IGDCC3: variants seen among roughly 807,000 people sequenced by gnomAD.
The protein encoded by IGDCC3 is immunoglobulin superfamily DCC subclass member 3, also known as putative neuronal cell adhesion molecule.
A neutral mutation model predicts 72.0 loss-of-function variants in IGDCC3; 47 were observed. The ratio of observed to expected loss-of-function variants is 0.65; its 90% confidence interval spans 0.52 to 0.83. The LOEUF (loss-of-function observed/expected upper bound fraction) is 0.83, where lower values mean the gene tolerates loss of function less well. Among genes scored for constraint, IGDCC3 ranks in the 40% least tolerant of loss-of-function variants. The pLI is 0.00. For missense variants in IGDCC3, 1,038 were observed against 1,091.3 expected (o/e 0.95, Z 0.69); for synonymous variants, 477 against 472.8 (o/e 1.01, Z -0.11).
Position 65,335,962 on chromosome 15 carries a change from G to C in IGDCC3, c.410-6C>G. 6.2e-7 allele frequency: 1 copy of C among 1,614,064 alleles called. No homozygotes were observed. The highest frequency in any genetic ancestry group is 8.5e-7 in the Non-Finnish European group (1 of 1,179,982). On this transcript the variant is annotated splice_region_variant and splice_polypyrimidine_tract_variant and intron_variant, in intron 2 of 13. Coordinates refer to ENST00000327987, the MANE Select transcript of IGDCC3 (RefSeq NM_004884.4). ...CACGTGGAAGTCCGACATGGCTGGG[G>C]GAAGAGAAGTGTATGAGTGCAGTGC...
chr15:65,375,356 A>G lies in IGDCC3; in HGVS notation c.150T>C (p.Asp50=). 6.2e-7 allele frequency: 1 copy of G among 1,609,560 alleles called. No homozygotes were observed. Among genetic ancestry groups the G allele is most frequent in the Non-Finnish European group, 8.5e-7 (1 of 1,176,268 alleles). ...AELAFAVEPS[D]DVAVPGQPIV... is the part of the protein sequence containing the mutation. ...TAGGCTGCCCGGGGACGGCAACATC[A>G]TCACTTGGCTCCACAGCAAATGCCA... Residue 50 remains aspartate (D), a synonymous_variant, in exon 2 of 14, where the codon GAT becomes GAC. Coordinates refer to ENST00000327987, the MANE Select transcript of IGDCC3 (RefSeq NM_004884.4).
chr15:65,375,416 G>C lies in IGDCC3; in HGVS notation c.104-14C>G. On this transcript the variant is annotated splice_polypyrimidine_tract_variant and intron_variant, in intron 1 of 13. Transcript: ENST00000327987. ...AGTGGCCAAGACCTGCATTGGGGAA[G>C]GGGAGATGGAAGGAAATAGGGGTGT... The C allele has an allele frequency of 6.3e-7, 1 of 1,583,392 alleles. No homozygotes were observed. Among genetic ancestry groups the C allele is most frequent in the Non-Finnish European group, 8.6e-7 (1 of 1,158,704 alleles).
At chr15:65,367,985 T>C (rs1353073045) in intron 2 of IGDCC3, among the ~76,000 whole-genome samples, 1 of 152,052 alleles carries the variant, frequency 6.6e-6, no homozygotes, top group Non-Finnish European at 1.5e-5. Context: ...AAAGGTGTCA[T>C]AGGTTAGTTA....
chr15:65,361,344 A>C (rs1466756498), intron 2 of IGDCC3, among the ~76,000 whole-genome samples: 3 of 151,326 alleles, frequency 2.0e-5, no homozygotes, highest in Admixed American at 1.3e-4. Context: ...TGGGAGGCTG[A>C]GGTGGGAGGA....
intron 2 of IGDCC3, among the ~76,000 whole-genome samples, chr15:65,364,546 C>T (rs941307814): frequency 6.6e-6 from 1 of 152,072 alleles, no homozygotes; most frequent in African/African-American, 2.4e-5. Context: ...AGCCCACATC[C>T]AAGGCTTAAC....
At chr15:65,340,372 C>T (rs917148778) in intron 2 of IGDCC3, among the ~76,000 whole-genome samples, 1 of 152,136 alleles carries the variant, frequency 6.6e-6, no homozygotes, top group Non-Finnish European at 1.5e-5. Flanking sequence ...GACTCCTATC[C>T]GGTCTGTGAT....
Position 65,329,475 on chromosome 15 carries a change from C to G in IGDCC3, c.2120G>C (p.Arg707Pro). The change falls in exon 13 of 14, where the codon CGA becomes CCA. Residue 707 changes from arginine (R) to proline (P), a missense_variant. By Grantham distance (103) the Arg-to-Pro change is moderately radical. Coordinates refer to ENST00000327987, the MANE Select transcript of IGDCC3 (RefSeq NM_004884.4). This position sits in a 1 kb window ranked among gnomAD's most constrained non-coding sequence, Gnocchi z 4.1. ...CTTCATATCCACACGTTTCTCGTCT[C>G]GGCCCAGCTGGCCCCGCTGTCCCCG... ...ARRGQRGQLG[R>P]DEKRVDMKEL... The G allele has an allele frequency of 6.2e-7, 1 of 1,610,926 alleles. No homozygotes were observed. The highest frequency in any genetic ancestry group is 8.5e-7 in the Non-Finnish European group (1 of 1,179,058).
intron 6 of IGDCC3, among the ~76,000 whole-genome samples, chr15:65,332,744 A>C (rs2090988826): frequency 6.6e-6 from 1 of 152,260 alleles, no homozygotes; most frequent in Non-Finnish European, 1.5e-5. Context: ...GGGACAGTTA[A>C]ACCCCACAGC....
Position 65,329,075 on chromosome 15 carries a change from A to G in IGDCC3, c.2279T>C (p.Met760Thr), listed in dbSNP as rs529267764. Residue 760 changes from methionine (M) to threonine (T), a missense_variant, in exon 14 of 14, where the codon ATG becomes ACG. Physicochemically the swap from Met to Thr is moderately conservative, Grantham distance 81 (BLOSUM62 -1). Transcript: ENST00000327987. This position sits in a 1 kb window ranked among gnomAD's most constrained non-coding sequence, Gnocchi z 4.1. ...CTTCGCCTCCGTCGTCTTCCCCTCC[A>G]TCAGGCCGCACCCCTGAAGTGGCAG... ...SVLPLQGCGL[M>T]EGKTTEAKTT... The G allele has an allele frequency of 9.3e-6, 15 of 1,611,424 alleles. 1 individual carries two copies. The Admixed American group carries it at 2.4e-4, about 25-fold the overall frequency.
chr15:65,363,454 T>C (rs952652342), intron 2 of IGDCC3, among the ~76,000 whole-genome samples: 1 of 151,962 alleles, frequency 6.6e-6, no homozygotes, highest in African/African-American at 2.4e-5. Flanking sequence ...GAAGCAGTGG[T>C]CCCCTATTCT....
intron 2 of IGDCC3, among the ~76,000 whole-genome samples, chr15:65,342,094 A>G (rs963310987): frequency 2.0e-5 from 3 of 151,512 alleles, no homozygotes; most frequent in African/African-American, 4.8e-5. Context: ...GGCCCTTTAA[A>G]TTAGAATTAC....
At chr15:65,334,144 A>C (rs1168375353) in intron 5 of IGDCC3, among the ~76,000 whole-genome samples, 2 of 151,942 alleles carry the variant, frequency 1.3e-5, no homozygotes, top group Non-Finnish European at 2.9e-5. Flanking sequence ...TCTCCCTGTG[A>C]ATGCGGTGCC....
At chr15:65,363,556 G>A (rs2091273623) in intron 2 of IGDCC3, among the ~76,000 whole-genome samples, 1 of 152,176 alleles carries the variant, frequency 6.6e-6, no homozygotes, top group Non-Finnish European at 1.5e-5. Flanking sequence ...ACCTTCCCTG[G>A]GGGCTGTGGC....
chr15:65,377,937 C>T lies in IGDCC3; in HGVS notation c.-149G>A, dbSNP rs2091370565. The T allele has an allele frequency of 5.5e-6, 4 of 727,012 alleles. No individual in the cohort carries two copies. Among genetic ancestry groups the T allele is most frequent in the Non-Finnish European group, 5.1e-6 (3 of 588,536 alleles). The allele number at this position is 727,012 out of a possible 1,614,324, so 45.0% of individuals were successfully genotyped here. On this transcript the variant is annotated 5_prime_UTR_variant, in exon 1 of 14. An upstream open reading frame in the 5' UTR loses its in-frame stop. Transcript: ENST00000327987. The surrounding 1 kb of genome is among the most constrained non-coding windows in gnomAD (Gnocchi z 4.9). ...GGGGGACTGGGGCCGCATGCCTGCT[C>T]AGCAGCGCGGGGGGCGCAGGGGGAG...
intron 2 of IGDCC3, among the ~76,000 whole-genome samples, chr15:65,348,862 C>T (rs2091148820): frequency 6.6e-6 from 1 of 152,186 alleles, no homozygotes; most frequent in South Asian, 2.1e-4. Flanking sequence ...CAGGATTAGG[C>T]ATGTACAGGA....
At chr15:65,334,933 G>A (rs1457394874) in intron 4 of IGDCC3, 68 bp from the exon 5 acceptor site, 4 of 1,518,468 alleles carry the variant, frequency 2.6e-6, no homozygotes, top group Non-Finnish European at 1.8e-6. Context: ...CCCACCCACA[G>A]CCCAGGACAC....
Position 65,361,280 on chromosome 15 carries a change from T to TAAA in IGDCC3, c.409+13816_409+13817insTTT, listed in dbSNP as rs750808008. Among the ~76,000 whole-genome samples the TAAA allele has an allele frequency of 1.9e-3, 287 of 147,804 alleles. 1 individual carries two copies. The highest frequency in any genetic ancestry group is 5.7e-3 in the Admixed American group (85 of 15,020). ...TAGTTTCTACTAAAAATAATAATAA[T>TAAA]AATAAAAAAACATTAGCTGGGTGTG... On this transcript the variant is annotated intron_variant, in intron 2 of 13. Coordinates refer to ENST00000327987, the MANE Select transcript of IGDCC3 (RefSeq NM_004884.4).
intron 6 of IGDCC3, 143 bp from the exon 7 acceptor site, chr15:65,332,249 C>T (rs2090984933): frequency 1.0e-6 from 1 of 981,156 alleles, no homozygotes; most frequent in South Asian, 1.7e-5. Flanking sequence ...GAGACTCCTC[C>T]AGGTGGGGCC....
At chr15:65,371,430 T>C (rs1042998687) in intron 2 of IGDCC3, among the ~76,000 whole-genome samples, 2 of 152,232 alleles carry the variant, frequency 1.3e-5, no homozygotes, top group African/African-American at 4.8e-5. Context: ...AAGGCTTCAC[T>C]ATGCTGCCTG....
Sources: gnomAD v4.1 joint callset for allele counts (sites outside exome capture counted in the v4.1 genomes callset) on GRCh38, gnomAD v4.1.1 for gene constraint, Gnocchi (gnomAD v3.1) non-coding constraint, MANE v1.5 for transcripts, NCBI Gene and HGNC (gene_info 2026-07-23, HGNC 2026-07-21) for gene names.